The following RNLS variants were observed in gnomAD, a reference collection of about 807,000 sequenced individuals.
RNLS encodes renalase, FAD dependent amine oxidase, also known as renalase.
RNLS carries 39 observed loss-of-function variants against 39.8 expected under a neutral mutation model. The observed-to-expected ratio is 0.98, with a 90% CI of 0.76 to 1.28. The LOEUF (loss-of-function observed/expected upper bound fraction) is 1.28. Ranked by LOEUF, RNLS falls within the 50% of genes most tolerant of loss-of-function variation. RNLS has a pLI of 0.00. For synonymous variants in RNLS, 147 were observed against 150.7 expected (o/e 0.98, Z 0.18); for missense variants, 410 against 413.3 (o/e 0.99, Z 0.07).
chr10:88,240,779 C>T, the RNLS span, among the ~76,000 whole-genome samples: 1 of 152,020 alleles, frequency 6.6e-6, no homozygotes, highest in African/African-American at 2.4e-5. Context: ...ATTCCCTTAG[C>T]CTCTACTCTC....
chr10:88,421,569 A>G (rs941701091), intron 4 of RNLS, among the ~76,000 whole-genome samples: 20 of 152,102 alleles, frequency 1.3e-4, no homozygotes, highest in African/African-American at 4.6e-4. Flanking sequence ...GTGGTCTTCT[A>G]ATTAGATCAC....
chr10:88,385,297 G>A (rs1851792743), intron 4 of RNLS, among the ~76,000 whole-genome samples: 1 of 152,170 alleles, frequency 6.6e-6, no homozygotes, highest in Non-Finnish European at 1.5e-5. Flanking sequence ...TTGAATTTCA[G>A]GTAAACTATG....
chr10:88,431,167 C>T (rs988055368), intron 4 of RNLS, among the ~76,000 whole-genome samples: 3 of 151,466 alleles, frequency 2.0e-5, no homozygotes, highest in African/African-American at 7.3e-5. Context: ...TAGGGCTGTT[C>T]AGGTTATCTA....
intron 5 of RNLS, among the ~76,000 whole-genome samples, chr10:88,352,866 C>A (rs1086833): frequency 8.5e-5 from 13 of 152,082 alleles, no homozygotes; most frequent in Non-Finnish European, 1.6e-4. Context: ...TAATTATTGC[C>A]TCAATTTCAG....
At chr10:88,243,504 A>G in the RNLS span, among the ~76,000 whole-genome samples, 1 of 152,212 alleles carries the variant, frequency 6.6e-6, no homozygotes, top group African/African-American at 2.4e-5. Flanking sequence ...CATTTCCCCA[A>G]AGGCAAAGCC....
chr10:88,574,110 C>A (rs1469388491), intron 3 of RNLS, among the ~76,000 whole-genome samples: 1 of 152,154 alleles, frequency 6.6e-6, no homozygotes, highest in East Asian at 1.9e-4. Flanking sequence ...CACTACCCTC[C>A]AGCCTAGGCA....
chr10:88,502,931 T>C (rs992588311), intron 4 of RNLS, among the ~76,000 whole-genome samples: 3 of 152,120 alleles, frequency 2.0e-5, no homozygotes, highest in Non-Finnish European at 4.4e-5. Context: ...ATCTTTTGCA[T>C]ACAGGAAAAC....
chr10:88,537,949 C>G (rs1847852329), intron 4 of RNLS, among the ~76,000 whole-genome samples: 1 of 152,128 alleles, frequency 6.6e-6, no homozygotes, highest in African/African-American at 2.4e-5. Flanking sequence ...CTCTCCAAAT[C>G]AGGGTTCCCC....
chr10:88,532,838 T>C (rs975087850), intron 4 of RNLS, among the ~76,000 whole-genome samples: 2 of 151,956 alleles, frequency 1.3e-5, no homozygotes, highest in South Asian at 2.1e-4. Context: ...TCAAATCACA[T>C]GCAAATAAGG....
intron 4 of RNLS, among the ~76,000 whole-genome samples, chr10:88,395,995 C>G (rs1217995130): frequency 6.6e-6 from 1 of 152,032 alleles, no homozygotes; most frequent in Non-Finnish European, 1.5e-5. Flanking sequence ...GCAAAACTAT[C>G]CTTCAGAAAT....
At chr10:88,185,792 T>C in the RNLS span, among the ~76,000 whole-genome samples, 21 of 152,124 alleles carry the variant, frequency 1.4e-4, 1 homozygote, top group Admixed American at 6.6e-5. Flanking sequence ...CAGTATTAAA[T>C]CTACTTCAAT....
At chr10:88,315,975 TG>T (rs1271984659) in intron 5 of RNLS, among the ~76,000 whole-genome samples, 1 of 152,160 alleles carries the variant, frequency 6.6e-6, no homozygotes, top group Non-Finnish European at 1.5e-5. Flanking sequence ...ATTATAGGTG[TG>T]AGTCATGTTT....
chr10:88,317,977 C>T (rs960449228), intron 5 of RNLS, among the ~76,000 whole-genome samples: 18 of 152,276 alleles, frequency 1.2e-4, no homozygotes, highest in East Asian at 3.9e-4. Flanking sequence ...CTCTGGATCA[C>T]GGGCAATGCT....
At chr10:88,565,593 C>T (rs1849446409) in intron 4 of RNLS, among the ~76,000 whole-genome samples, 1 of 151,952 alleles carries the variant, frequency 6.6e-6, no homozygotes, top group Non-Finnish European at 1.5e-5. Flanking sequence ...AGACCCTCAT[C>T]CTCAGTCAAA....
chr10:88,348,702 T>C (rs1299357347), intron 5 of RNLS, among the ~76,000 whole-genome samples: 1 of 152,170 alleles, frequency 6.6e-6, no homozygotes, highest in South Asian at 2.1e-4. Context: ...TAAATCATAT[T>C]CCCTATTAAA....
intron 4 of RNLS, among the ~76,000 whole-genome samples, chr10:88,413,715 T>A (rs1310100492): frequency 6.6e-6 from 1 of 152,216 alleles, no homozygotes; most frequent in Non-Finnish European, 1.5e-5. Context: ...TCTTCAGTGG[T>A]TCTTTGGTTG....
At chr10:88,463,482 T>C (rs1843041920) in intron 4 of RNLS, among the ~76,000 whole-genome samples, 1 of 152,000 alleles carries the variant, frequency 6.6e-6, no homozygotes, top group South Asian at 2.1e-4. Context: ...TAAATTTCTA[T>C]TGTTTAAGCC....
intron 4 of RNLS, among the ~76,000 whole-genome samples, chr10:88,407,478 T>TA: frequency 6.6e-6 from 1 of 151,404 alleles, no homozygotes; most frequent in African/African-American, 2.4e-5. Flanking sequence ...ATTAAATTAA[T>TA]AAAAAAATTA....
At chr10:88,403,538 TAA>T (rs1853068380) in intron 4 of RNLS, among the ~76,000 whole-genome samples, 1 of 152,070 alleles carries the variant, frequency 6.6e-6, no homozygotes, top group South Asian at 2.1e-4. Context: ...GGATTATAGA[TAA>T]AACAAGGTTG....
Sources: gnomAD v4.1 joint callset for allele counts (sites outside exome capture counted in the v4.1 genomes callset) on GRCh38, gnomAD v4.1.1 for gene constraint, MANE v1.5 for transcripts, NCBI Gene and HGNC (gene_info 2026-07-23, HGNC 2026-07-21) for gene names.